CELF2: variants seen among roughly 807,000 people sequenced by gnomAD.
The protein encoded by CELF2 is CUGBP Elav-like family member 2.
CELF2 carries 8 observed loss-of-function variants against 62.6 expected under a neutral mutation model. That is an observed-to-expected ratio of 0.13 (90% CI 0.07 to 0.23). The LOEUF is 0.23. CELF2 is among the 10% of genes least tolerant of loss of function. The pLI is 1.00. For synonymous variants in CELF2, 258 were observed against 250.0 expected (o/e 1.03, Z -0.30); for missense variants, 333 against 671.0 (o/e 0.50, Z 5.56).
chr10:10,987,774 A>G (rs981821910), intron 2 of CELF2, among the ~76,000 whole-genome samples: 3 of 152,180 alleles, frequency 2.0e-5, no homozygotes, highest in Admixed American at 1.3e-4. Flanking sequence ...CAAGAAAAAA[A>G]ATAATCCCAT....
At chr10:11,088,902 T>C (rs2047542593) in intron 1 of CELF2, among the ~76,000 whole-genome samples, 1 of 152,186 alleles carries the variant, frequency 6.6e-6, no homozygotes, top group South Asian at 2.1e-4. Flanking sequence ...GTGGGAAGTG[T>C]TACCAGAAAA....
At chr10:10,988,294 T>TATATAG (rs570457572) in intron 2 of CELF2, among the ~76,000 whole-genome samples, 6 of 140,766 alleles carry the variant, frequency 4.3e-5, no homozygotes, top group African/African-American at 1.7e-4. Context: ...TATATATATA[T>TATATAG]AGAGAGAGAG....
intron 4 of CELF2, among the ~76,000 whole-genome samples, chr10:11,251,902 G>C (rs983430578): frequency 6.6e-6 from 1 of 152,224 alleles, no homozygotes; most frequent in African/African-American, 2.4e-5. Context: ...AGGCCGGCCT[G>C]TCCAGGCCTG....
chr10:10,517,229 G>C, the CELF2 span, among the ~76,000 whole-genome samples: 10 of 152,226 alleles, frequency 6.6e-5, no homozygotes, highest in East Asian at 1.9e-3. Flanking sequence ...GCTTGAGGGG[G>C]ACTCAACTTC....
At chr10:11,303,781 A>G (rs1468335067) in intron 9 of CELF2, among the ~76,000 whole-genome samples, 2 of 152,224 alleles carry the variant, frequency 1.3e-5, no homozygotes, top group Non-Finnish European at 2.9e-5. Context: ...AAGAGGGGAA[A>G]TAGAATCTTG....
intron 1 of CELF2, among the ~76,000 whole-genome samples, chr10:10,812,281 A>C (rs1469282592): frequency 2.0e-5 from 3 of 152,184 alleles, no homozygotes; most frequent in African/African-American, 7.2e-5. Context: ...AAACCATCAG[A>C]TCTTGTGAGA....
chr10:11,329,939 A>G lies in CELF2; in HGVS notation c.*886A>G, dbSNP rs1474344711. 1 of 152,646 alleles carries G rather than the reference A, an allele frequency of 6.6e-6. No homozygotes were observed. The allele number at this position is 152,646 out of a possible 1,614,324, so 9.5% of individuals were successfully genotyped here. A position where few individuals can be genotyped will look rare whatever the true frequency, so the allele number is the denominator to read the frequency against. On this transcript the variant is annotated 3_prime_UTR_variant, in exon 13 of 13. Coordinates refer to ENST00000633077, the MANE Select transcript of CELF2 (RefSeq NM_001326342.2). This position sits in a 1 kb window ranked among gnomAD's most constrained non-coding sequence, Gnocchi z 5.5. ...TTTTATACAAAATTTTTACTGCCTC[A>G]GAAATAATGGAAGTTATTTATTGCC...
the CELF2 span, among the ~76,000 whole-genome samples, chr10:10,738,207 G>A: frequency 3.3e-5 from 5 of 152,310 alleles, no homozygotes; most frequent in Admixed American, 2.6e-4. Context: ...AACTAGGTTA[G>A]GGTATGTGGC....
chr10:10,839,124 C>T (rs780412674), intron 1 of CELF2, among the ~76,000 whole-genome samples: 6 of 152,070 alleles, frequency 3.9e-5, no homozygotes, highest in Admixed American at 2.0e-4. Flanking sequence ...CCAGCCTGAG[C>T]GACAGAGCAA....
At chr10:11,081,997 A>G (rs1054030432) in intron 1 of CELF2, among the ~76,000 whole-genome samples, 1 of 152,090 alleles carries the variant, frequency 6.6e-6, no homozygotes, top group Non-Finnish European at 1.5e-5. Context: ...CCCTGGAGAG[A>G]CTTGCAGATT....
At chr10:10,498,216 G>A in the CELF2 span, among the ~76,000 whole-genome samples, 13 of 152,342 alleles carry the variant, frequency 8.5e-5, no homozygotes, top group Non-Finnish European at 1.6e-4. Flanking sequence ...TCAGGAGAAT[G>A]TCAGCTCAGA....
the CELF2 span, among the ~76,000 whole-genome samples, chr10:10,682,225 C>T: frequency 6.6e-5 from 10 of 152,268 alleles, no homozygotes; most frequent in East Asian, 1.3e-3. Context: ...TTTACTCTGA[C>T]GGGGAACAAC....
intron 1 of CELF2, among the ~76,000 whole-genome samples, chr10:11,103,027 C>G (rs1595315502): frequency 6.6e-6 from 1 of 152,190 alleles, no homozygotes; most frequent in South Asian, 2.1e-4. Flanking sequence ...ACTCCCTATT[C>G]AGAATTCTCC....
chr10:10,948,444 T>C (rs548557439), intron 2 of CELF2: 1 of 152,344 alleles, frequency 6.6e-6, no homozygotes, highest in South Asian at 2.1e-4. Context: ...TGGGGGCTGC[T>C]GTCAAAGCCA....
intron 1 of CELF2, among the ~76,000 whole-genome samples, chr10:10,843,808 A>T (rs1051209614): frequency 1.3e-5 from 2 of 152,138 alleles, no homozygotes; most frequent in Middle Eastern, 3.4e-3. Context: ...CCAACACTGA[A>T]TAGGTTCTGA....
chr10:11,064,736 A>G (rs2067644189), intron 1 of CELF2, among the ~76,000 whole-genome samples: 1 of 152,192 alleles, frequency 6.6e-6, no homozygotes. Flanking sequence ...AATAAAAGGC[A>G]CATTCAATTA....
At chr10:11,166,324 G>T (rs1444456288) in intron 2 of CELF2, among the ~76,000 whole-genome samples, 1 of 152,156 alleles carries the variant, frequency 6.6e-6, no homozygotes, top group Non-Finnish European at 1.5e-5. Flanking sequence ...TTATCAGTGT[G>T]GAGATGAAGG....
At chr10:11,080,311 A>G (rs1291884011) in intron 1 of CELF2, among the ~76,000 whole-genome samples, 2 of 147,500 alleles carry the variant, frequency 1.4e-5, no homozygotes, top group African/African-American at 5.1e-5. Context: ...AGTCTTTTAC[A>G]GTCATGAATG....
chr10:10,575,952 G>A, the CELF2 span, among the ~76,000 whole-genome samples: 2 of 152,182 alleles, frequency 1.3e-5, no homozygotes, highest in African/African-American at 4.8e-5. Context: ...ATTCGGAGGA[G>A]TAAATCATAT....
Sources: allele counts gnomAD v4.1 joint callset (sites outside exome capture counted in the v4.1 genomes callset), GRCh38; gene constraint gnomAD v4.1.1; non-coding constraint Gnocchi (gnomAD v3.1); transcripts MANE v1.5; gene names NCBI Gene and HGNC (gene_info 2026-07-23, HGNC 2026-07-21).